Variants in PACRG observed in about 807,000 individuals in gnomAD.
The protein encoded by PACRG is parkin coregulated gene protein.
Under a neutral mutation model 29.7 loss-of-function variants are expected in PACRG, and 29 were observed. The ratio of observed to expected loss-of-function variants is 0.98; its 90% confidence interval spans 0.73 to 1.33. The LOEUF (loss-of-function observed/expected upper bound fraction) is 1.33, where lower values mean the gene tolerates loss of function less well. Among genes scored for constraint, PACRG ranks in the 40% most tolerant of loss-of-function variants. PACRG has a pLI of 0.00. For synonymous variants in PACRG, 116 were observed against 118.7 expected, an observed-to-expected ratio of 0.98 and a Z score of 0.15; for missense variants, 279 against 316.2, an observed-to-expected ratio of 0.88 and a Z score of 0.89.
At chr6:163,277,013 C>T (rs1314445963) in intron 4 of PACRG, among the ~76,000 whole-genome samples, 2 of 152,174 alleles carry the variant, frequency 1.3e-5, no homozygotes, top group East Asian at 3.8e-4. Flanking sequence ...TATTCGCTGT[C>T]CTCAGGAACT....
chr6:162,831,670 A>G (rs1192594645), intron 2 of PACRG, among the ~76,000 whole-genome samples: 1 of 151,998 alleles, frequency 6.6e-6, no homozygotes, highest in Non-Finnish European at 1.5e-5. Flanking sequence ...CCTCCACCCC[A>G]CAAGAGGCCC....
intron 2 of PACRG, among the ~76,000 whole-genome samples, chr6:163,009,393 G>T (rs1188311242): frequency 3.9e-5 from 6 of 152,152 alleles, no homozygotes; most frequent in Admixed American, 3.9e-4. Flanking sequence ...AGAGAGCTCA[G>T]AATTGAAAAT....
chr6:163,028,444 A>C (rs73783978), intron 2 of PACRG, among the ~76,000 whole-genome samples: 1 of 151,940 alleles, frequency 6.6e-6, no homozygotes, highest in Non-Finnish European at 1.5e-5. Flanking sequence ...AACACAATCA[A>C]CCTTTAAGAT....
intron 2 of PACRG, among the ~76,000 whole-genome samples, chr6:163,056,849 C>T (rs1810634506): frequency 6.6e-6 from 1 of 152,108 alleles, no homozygotes; most frequent in Non-Finnish European, 1.5e-5. Flanking sequence ...TCTCTCACGC[C>T]CTCCTCTTCC....
intron 2 of PACRG, among the ~76,000 whole-genome samples, chr6:162,958,884 T>TATATATATAG (rs1562779944): frequency 1.4e-4 from 3 of 21,162 alleles, no homozygotes; most frequent in Non-Finnish European, 1.9e-4. Flanking sequence ...TATATATATA[T>TATATATATAG]AGAGAGAGAG....
intron 4 of PACRG, among the ~76,000 whole-genome samples, chr6:163,160,762 G>A (rs1778522619): frequency 6.6e-6 from 1 of 152,132 alleles, no homozygotes; most frequent in African/African-American, 2.4e-5. Context: ...AACTTGCTGA[G>A]AAGAATAATA....
chr6:163,060,539 A>C (rs1386309654), intron 2 of PACRG, among the ~76,000 whole-genome samples: 1 of 152,224 alleles, frequency 6.6e-6, no homozygotes, highest in African/African-American at 2.4e-5. Context: ...TGTCTGTATA[A>C]ACCTACATTA....
chr6:162,812,613 A>G (rs547559295), intron 1 of PACRG, among the ~76,000 whole-genome samples: 7 of 132,996 alleles, frequency 5.3e-5, no homozygotes, highest in Non-Finnish European at 1.1e-4. Context: ...ATCATTTATC[A>G]TTTCCAAAAA....
At chr6:163,079,947 G>C (rs1185200329) in intron 3 of PACRG, among the ~76,000 whole-genome samples, 1 of 138,882 alleles carries the variant, frequency 7.2e-6, no homozygotes, top group Non-Finnish European at 1.5e-5. Flanking sequence ...GCCCAGGCTG[G>C]AGTGCAGTGG....
chr6:163,302,597 T>G (rs1239006437), intron 4 of PACRG, among the ~76,000 whole-genome samples: 1 of 152,208 alleles, frequency 6.6e-6, no homozygotes, highest in Non-Finnish European at 1.5e-5. Context: ...ATTACTTGAG[T>G]TCATTTGATG....
chr6:163,230,789 G>C (rs1226465177), intron 4 of PACRG, among the ~76,000 whole-genome samples: 1 of 63,128 alleles, frequency 1.6e-5, no homozygotes, highest in East Asian at 5.5e-4. Context: ...GTTAGGGAGG[G>C]AAAAACCCGG....
intron 2 of PACRG, among the ~76,000 whole-genome samples, chr6:162,915,332 A>T (rs1341966112): frequency 2.0e-5 from 3 of 151,964 alleles, no homozygotes; most frequent in African/African-American, 7.2e-5. Context: ...AAATATGTTC[A>T]GGTTTGCAAC....
chr6:163,295,429 G>C (rs1330171911), intron 4 of PACRG, among the ~76,000 whole-genome samples: 1 of 152,168 alleles, frequency 6.6e-6, no homozygotes, highest in Non-Finnish European at 1.5e-5. Context: ...GGAAACAGCC[G>C]AGGCTTCAGC....
chr6:162,903,390 T>A (rs571591053), intron 2 of PACRG, among the ~76,000 whole-genome samples: 26 of 152,292 alleles, frequency 1.7e-4, no homozygotes, highest in South Asian at 6.2e-4. Flanking sequence ...GCTGCTGATA[T>A]ATACATACCC....
intron 2 of PACRG, among the ~76,000 whole-genome samples, chr6:162,942,133 C>A (rs945240166): frequency 6.6e-6 from 1 of 152,126 alleles, no homozygotes; most frequent in African/African-American, 2.4e-5. Flanking sequence ...CCTTTCGCAC[C>A]AAAAGAAACC....
intron 2 of PACRG, among the ~76,000 whole-genome samples, chr6:163,040,346 C>G (rs771353998): frequency 6.6e-6 from 1 of 152,238 alleles, no homozygotes; most frequent in Non-Finnish European, 1.5e-5. Flanking sequence ...GCTGCAAGGG[C>G]AGAGCCCTCA....
chr6:163,310,412 C>T (rs1014816870), intron 4 of PACRG: 48 of 152,246 alleles, frequency 3.2e-4, no homozygotes, highest in African/African-American at 1.1e-3. Context: ...AATTAGGCTT[C>T]CTCAGCTGGA....
At chr6:163,041,032 C>T (rs1352937578) in intron 2 of PACRG, among the ~76,000 whole-genome samples, 1 of 152,074 alleles carries the variant, frequency 6.6e-6, no homozygotes, top group Non-Finnish European at 1.5e-5. Context: ...CAAATCTTAT[C>T]TCAAATTATA....
intron 2 of PACRG, among the ~76,000 whole-genome samples, chr6:162,846,941 A>G (rs1157202699): frequency 1.4e-5 from 2 of 138,562 alleles, no homozygotes; most frequent in African/African-American, 5.6e-5. Context: ...TGTGCTCCCC[A>G]CACTGACTGC....
Sources: allele counts gnomAD v4.1 joint callset (sites outside exome capture counted in the v4.1 genomes callset), GRCh38; gene constraint gnomAD v4.1.1; transcripts MANE v1.5; gene names NCBI Gene and HGNC (gene_info 2026-07-23, HGNC 2026-07-21).